Variants in KCNQ4 observed in about 807,000 individuals in gnomAD.
KCNQ4 encodes potassium voltage-gated channel subfamily Q member 4.
Under a neutral mutation model 72.6 loss-of-function variants are expected in KCNQ4, and 31 were observed. The ratio of observed to expected loss-of-function variants is 0.43; its 90% CI spans 0.32 to 0.58. The LOEUF (loss-of-function observed/expected upper bound fraction) is 0.58. Ranked by LOEUF, KCNQ4 falls within the 20% of genes least tolerant of loss-of-function variation. KCNQ4 has a pLI of 0.08. For missense variants in KCNQ4, 869 were observed against 962.6 expected (o/e 0.90, Z 1.29); for synonymous variants, 405 against 403.7 (o/e 1.00, Z -0.04).
Position 40,784,262 on chromosome 1 carries a change from C to G in KCNQ4, c.169C>G (p.Pro57Ala), listed in dbSNP as rs1448058512. The change falls in exon 1 of 14, where the codon CCC becomes GCC. Residue 57 changes from proline (P) to alanine (A), a missense_variant. Pro to Ala is a conservative substitution (Grantham distance 27). Coordinates refer to ENST00000347132, the MANE Select transcript of KCNQ4 (RefSeq NM_004700.4). The surrounding 1 kb of genome is among the most constrained non-coding windows in gnomAD (Gnocchi z 4.1). Reference protein sequence around the residue: ...LLGSPLPPGAPLPGPGSGSGS... With the variant: ...LLGSPLPPGAALPGPGSGSGS... The stretch of plus-strand genomic sequence containing the variant: ...GGGCAGCCCCCTGCCGCCGGGCGCG[C>G]CCCTCCCTGGGCCGGGCTCCGGCTC... 7.0e-7 allele frequency: 1 copy of G among 1,434,196 alleles called. No individual in the cohort carries two copies. The highest frequency in any genetic ancestry group is 1.5e-5 in the African/African-American group (1 of 66,794). The allele number at this position is 1,434,196 out of a possible 1,614,324, so 88.8% of individuals were successfully genotyped here.
chr1:40,837,935 C>T, intron 13 of KCNQ4, 141 bp downstream of exon 13: 3 of 1,163,070 alleles, frequency 2.6e-6, no homozygotes, highest in South Asian at 2.8e-5. Flanking sequence ...GCCGAAGCCC[C>T]CGCCCTCGCC....
intron 1 of KCNQ4, among the ~76,000 whole-genome samples, chr1:40,800,405 G>C (rs951327320): frequency 2.6e-5 from 4 of 152,190 alleles, no homozygotes; most frequent in East Asian, 1.9e-4. Flanking sequence ...AGGAAGGATA[G>C]AGCAAATTTT....
chr1:40,818,506 C>T lies in KCNQ4; in HGVS notation c.534C>T (p.Asp178=). Residue 178 remains aspartate, a splice_region_variant and synonymous_variant, in exon 4 of 14, where the codon GAC becomes GAT. Transcript: ENST00000347132. ...RFARKPFCVI[D]FIVFVASVAV... is the part of the protein sequence containing the mutation. ...ATCTCGCCGCCCCCGCCCCTGCAGA[C>T]TTCATCGTGTTCGTGGCCTCGGTGG... The T allele has an allele frequency of 6.2e-7, 1 of 1,601,306 alleles. No individual in the cohort carries two copies. Among genetic ancestry groups the T allele is most frequent in the Non-Finnish European group, 8.5e-7 (1 of 1,179,862 alleles).
At chr1:40,796,908 A>G (rs1206710162) in intron 1 of KCNQ4, among the ~76,000 whole-genome samples, 1 of 134,460 alleles carries the variant, frequency 7.4e-6, no homozygotes, top group African/African-American at 2.8e-5. Flanking sequence ...ACAGAGTGAG[A>G]CTCCATCAAA....
rs1477347932 is a variant in KCNQ4, at chr1:40,784,200, C to G, written c.107C>G (p.Ala36Gly). ...LTAVQSEQGE[A>G]GGGGSPRRLG... ...GCCGTGCAGAGCGAACAGGGCGAGG[C>G]GGGCGGGGGCGGCTCCCCGCGCCGC... Residue 36 changes from alanine (A) to glycine (G), a missense_variant, in exon 1 of 14, where the codon GCG (alanine) becomes GGG (glycine). Around this residue, in one of 5 missense-constraint regions of KCNQ4, gnomAD observed 178 missense variants for 145.3 expected, o/e 1.22. Coordinates refer to ENST00000347132, the MANE Select transcript of KCNQ4 (RefSeq NM_004700.4). This position sits in a 1 kb window ranked among gnomAD's most constrained non-coding sequence, Gnocchi z 4.1. 1.8e-6 allele frequency: 2 copies of G among 1,118,912 alleles called. No individual in the cohort carries two copies. The highest frequency in any genetic ancestry group is 3.4e-5 in the African/African-American group (2 of 59,556). 69.3% of individuals were successfully genotyped at this position (1,118,912 alleles called of 1,614,324 possible). A position where few individuals can be genotyped will look rare whatever the true frequency, so the allele number is the denominator to read the frequency against.
intron 1 of KCNQ4, among the ~76,000 whole-genome samples, chr1:40,796,588 TG>T (rs1389585283): frequency 6.6e-6 from 1 of 152,062 alleles, no homozygotes; most frequent in Admixed American, 6.5e-5. Flanking sequence ...CTGCTTCTAA[TG>T]GGGGGTGATA....
chr1:40,789,716 G>A (rs1029189660), intron 1 of KCNQ4, among the ~76,000 whole-genome samples: 6 of 152,150 alleles, frequency 3.9e-5, no homozygotes, highest in Non-Finnish European at 7.3e-5. Flanking sequence ...TATTGCTGCC[G>A]AAGCCCTTAT....
intron 1 of KCNQ4, among the ~76,000 whole-genome samples, chr1:40,809,064 A>AT (rs1346534290): frequency 6.6e-6 from 1 of 152,032 alleles, no homozygotes; most frequent in Non-Finnish European, 1.5e-5. Flanking sequence ...TCCAGAGGAC[A>AT]TTTTTCACGC....
At position 40,817,467 on chromosome 1, in the gene KCNQ4, G is replaced by A. The variant is rs1044114065; in HGVS notation, c.405+112G>A. 18 of 706,932 alleles carry A rather than the reference G, an allele frequency of 2.5e-5. No homozygotes were observed. The highest frequency in any genetic ancestry group is 2.4e-4 in the South Asian group (13 of 54,670). The allele number at this position is 706,932 out of a possible 1,614,324, so 43.8% of individuals were successfully genotyped here. A position where few individuals can be genotyped will look rare whatever the true frequency, so the allele number is the denominator to read the frequency against. On this transcript the variant is annotated intron_variant, in intron 2 of 13. Coordinates refer to ENST00000347132, the MANE Select transcript of KCNQ4 (RefSeq NM_004700.4). This position sits in a 1 kb window ranked among gnomAD's most constrained non-coding sequence, Gnocchi z 5.5. Reference sequence around the variant, plus strand: ...GGTAGCACCTCTGGGCTGGGAGTCCGGGACTGAAGGGGGCTGTGTGAGGTA... The same window carrying A: ...GGTAGCACCTCTGGGCTGGGAGTCCAGGACTGAAGGGGGCTGTGTGAGGTA...
At position 40,824,248 on chromosome 1, in the gene KCNQ4, C is replaced by T. The variant is rs749223967; in HGVS notation, c.1282C>T (p.Pro428Ser). 5 of 1,608,406 alleles carry T rather than the reference C, an allele frequency of 3.1e-6. No individual in the cohort carries two copies. The African/African-American group carries it at 4.0e-5, about 13-fold the overall frequency. Residue 428 changes from proline (P) to serine (S), a missense_variant, in exon 9 of 14, where the codon CCT becomes TCT. This residue lies in a region of KCNQ4 where 480 missense variants were observed against 501.9 expected (regional missense o/e 0.96). Coordinates refer to ENST00000347132, the MANE Select transcript of KCNQ4 (RefSeq NM_004700.4). ...CCGGCCGGGCAGCACCTCCTTCTGC[C>T]CTGGGGAAAGGTAGGGGCCCCGTGG... ...CHRPGSTSFC[P>S]GESSRMGIKD...
In KCNQ4 at chr1:40,819,363, G is replaced by A. The variant is rs1648206560; in HGVS notation, c.725G>A (p.Trp242Ter). The change falls in exon 5 of 14, where the codon TGG becomes TAG. Residue 242 changes from tryptophan to a stop codon, truncating the protein, a stop_gained. Coordinates refer to ENST00000347132, the MANE Select transcript of KCNQ4 (RefSeq NM_004700.4). LOFTEE classifies it high-confidence loss of function. ...YAHSKELITA[W>*]YIGFLVLIFA... ...GCCCCGCAGGAGCTGATCACCGCCT[G>A]GTACATCGGGTTCCTGGTGCTCATC... 6.2e-7 allele frequency: 1 copy of A among 1,613,736 alleles called. No homozygotes were observed. Among genetic ancestry groups the A allele is most frequent in the Admixed American group, 1.7e-5 (1 of 60,006 alleles).
chr1:40,822,424 G>T, intron 8 of KCNQ4, 22 bp downstream of exon 8: 2 of 1,437,384 alleles, frequency 1.4e-6, no homozygotes, highest in Non-Finnish European at 1.9e-6. Context: ...TGGGGGTGGG[G>T]GTGGGTGGGG....
chr1:40,820,163 AG>A lies in KCNQ4; in HGVS notation c.947del. ...TCCCCCAACCATGCCCTATCCCTCTAGGGCATCCTAGGCTCCGGCTTTGCCC... is the reference window on the plus strand; with the variant it reads ...TCCCCCAACCATGCCCTATCCCTCTAGGCATCCTAGGCTCCGGCTTTGCCC... On this transcript the variant is annotated splice_acceptor_variant, in intron 6 of 13. Coordinates refer to ENST00000347132, the MANE Select transcript of KCNQ4 (RefSeq NM_004700.4). LOFTEE classifies it high-confidence loss of function. 1 of 1,605,200 alleles carries A rather than the reference AG, an allele frequency of 6.2e-7. No homozygotes were observed. The highest frequency in any genetic ancestry group is 8.5e-7 in the Non-Finnish European group (1 of 1,175,786).
Position 40,788,432 on chromosome 1 carries a change from C to G in KCNQ4, c.314+4025C>G, listed in dbSNP as rs140810529. Among the ~76,000 whole-genome samples, 1 of 152,328 alleles carries G rather than the reference C, an allele frequency of 6.6e-6. No individual in the cohort carries two copies. Among genetic ancestry groups the G allele is most frequent in the African/African-American group, 2.4e-5 (1 of 41,568 alleles). ...TGGCTCTTGGAGTCTGAAATGAAAT[C>G]TCTGGTTGTGTGTGCAGCACCAACT... On this transcript the variant is annotated intron_variant, in intron 1 of 13. Coordinates refer to ENST00000347132, the MANE Select transcript of KCNQ4 (RefSeq NM_004700.4). The surrounding 1 kb of genome is among the most constrained non-coding windows in gnomAD (Gnocchi z 4.5).
At chr1:40,820,337 C>A in intron 7 of KCNQ4, 77 bp downstream of exon 7, 1 of 1,264,206 alleles carries the variant, frequency 7.9e-7, no homozygotes, top group Non-Finnish European at 1.1e-6. Flanking sequence ...TGTGCTGACC[C>A]ATGTCCCCAG....
rs367890569 is a variant in KCNQ4 at position 40,818,654 on chromosome 1, G to T, written c.682G>T (p.Gly228Cys). ...CCGCGGCGGCACCTGGAAGCTGCTGGGCTCAGTGGTCTACGCGCATAGCAA... is the reference window on the plus strand; with the variant it reads ...CCGCGGCGGCACCTGGAAGCTGCTGTGCTCAGTGGTCTACGCGCATAGCAA... ...DRRGGTWKLL[G>C]SVVYAHSKEL... Residue 228 changes from glycine (G) to cysteine (C), a missense_variant, in exon 4 of 14, where the codon GGC becomes TGC. Around this residue, in one of 5 missense-constraint regions of KCNQ4, gnomAD observed 179 missense variants for 243.0 expected, o/e 0.74. Coordinates refer to ENST00000347132, the MANE Select transcript of KCNQ4 (RefSeq NM_004700.4). The T allele has an allele frequency of 2.7e-5, 43 of 1,605,452 alleles. No homozygotes were observed. The highest frequency in any genetic ancestry group is 3.5e-5 in the Non-Finnish European group (41 of 1,179,020).
chr1:40,837,937 G>T (rs1648853728), intron 13 of KCNQ4, 143 bp downstream of exon 13: 3 of 1,043,742 alleles, frequency 2.9e-6, no homozygotes, highest in Non-Finnish European at 4.0e-6. Flanking sequence ...CGAAGCCCCC[G>T]CCCTCGCCGC....
intron 1 of KCNQ4, among the ~76,000 whole-genome samples, chr1:40,813,684 C>G (rs530990297): frequency 6.6e-6 from 1 of 152,300 alleles, no homozygotes; most frequent in South Asian, 2.1e-4. Context: ...TGCTAAATGG[C>G]AGAGGCGACT....
chr1:40,834,935 G>A (rs1295332410), intron 11 of KCNQ4, 32 bp from the exon 12 acceptor site: 2 of 1,611,140 alleles, frequency 1.2e-6, no homozygotes, highest in Non-Finnish European at 1.7e-6. Flanking sequence ...TGCTCTAACA[G>A]GACACTCCCT....
Sources: gnomAD v4.1 joint callset for allele counts (sites outside exome capture counted in the v4.1 genomes callset) on GRCh38, gnomAD v4.1.1 for gene constraint, gnomAD v4.1.1 regional missense constraint, Gnocchi (gnomAD v3.1) non-coding constraint, MANE v1.5 for transcripts, NCBI Gene and HGNC (gene_info 2026-07-23, HGNC 2026-07-21) for gene names.